MORC1: variants seen among roughly 807,000 people sequenced by gnomAD.
MORC1 encodes MORC family CW-type zinc finger 1, also known as MORC family CW-type zinc finger protein 1.
A neutral mutation model predicts 134.9 loss-of-function variants in MORC1; 59 were observed. The ratio of observed to expected loss-of-function variants is 0.44; its 90% CI spans 0.35 to 0.54. MORC1 has a LOEUF of 0.54. Ranked by LOEUF, MORC1 falls within the 20% of genes least tolerant of loss-of-function variation. The pLI is 0.00. For synonymous variants in MORC1, 395 were observed against 391.7 expected, an observed-to-expected ratio of 1.01 and a Z score of -0.10; for missense variants, 947 against 1,134.5, an observed-to-expected ratio of 0.83 and a Z score of 2.37.
At chr3:108,995,276 C>G (rs538451927) in intron 21 of MORC1, among the ~76,000 whole-genome samples, 5 of 152,290 alleles carry the variant, frequency 3.3e-5, no homozygotes, top group Middle Eastern at 3.4e-3. Flanking sequence ...ATCCTCCTGA[C>G]AAAGGCTAGC....
At position 109,026,122 on chromosome 3, in the gene MORC1, C is replaced by T. The variant is rs370212990; in HGVS notation, c.1704+1629G>A. 5.6e-4 allele frequency among the ~76,000 whole-genome samples: 85 copies of T among 152,192 alleles called. 1 individual carries two copies. Among genetic ancestry groups the T allele is most frequent in the South Asian group, 5.4e-3 (26 of 4,820 alleles). ...CACAACCCAAAGCTTTCCTTGGTTA[C>T]CACAAAAGCAGGGTCAGTTACAAGC... is the stretch of plus-strand genomic sequence containing the variant. On this transcript the variant is annotated intron_variant, in intron 17 of 27. Transcript: ENST00000232603.
chr3:108,963,608 T>A lies in MORC1; in HGVS notation c.2605A>T (p.Ile869Leu). Residue 869 changes from isoleucine to leucine, a missense_variant and splice_region_variant, in exon 27 of 28, where the codon ATA becomes TTA. Ile to Leu is a conservative substitution (Grantham distance 5, BLOSUM62 2). This residue lies in a region of MORC1 where 722 missense variants were observed against 817.0 expected (regional missense o/e 0.88). Transcript: ENST00000232603. ...TATTGGACCATGTAAGTATTCTGTA[T>A]CTGGGAATGTTTTAAAAACAGTTTT... ...NKKLKMCFNQ[I>L]QNTYMVQYEK... is the part of the protein sequence containing the mutation. 2 of 1,528,204 alleles carry A rather than the reference T, an allele frequency of 1.3e-6. No homozygotes were observed. Among genetic ancestry groups the A allele is most frequent in the Non-Finnish European group, 1.8e-6 (2 of 1,138,228 alleles). 94.7% of individuals were successfully genotyped at this position (1,528,204 alleles called of 1,614,324 possible).
At position 108,979,596 on chromosome 3, in the gene MORC1, C is replaced by G. The variant is rs1305462763; in HGVS notation, c.2396G>C (p.Ser799Thr). The G allele has an allele frequency of 6.2e-7, 1 of 1,614,168 alleles. No homozygotes were observed. Among genetic ancestry groups the G allele is most frequent in the Non-Finnish European group, 8.5e-7 (1 of 1,180,010 alleles). The change falls in exon 24 of 28, where the codon AGT (serine) becomes ACT (threonine). Residue 799 changes from serine to threonine, a missense_variant. Physicochemically the swap from Ser to Thr is moderately conservative, Grantham distance 58. Coordinates refer to ENST00000232603, the MANE Select transcript of MORC1 (RefSeq NM_014429.4). ...GHIARVSVSG[S>T]CKVASSPASS... The stretch of plus-strand genomic sequence containing the variant: ...CGCTGGCGAAGAAGCAACTTTACAA[C>G]TGCCACTCACAGAAACTCTGGCTAT...
chr3:108,965,309 T>C (rs1433663323), intron 26 of MORC1, among the ~76,000 whole-genome samples: 4 of 152,058 alleles, frequency 2.6e-5, no homozygotes, highest in Non-Finnish European at 4.4e-5. Context: ...GAAAAAACAA[T>C]AGTATTGCTA....
intron 24 of MORC1, 31 bp downstream of exon 24, chr3:108,979,484 C>T (rs890937495): frequency 3.7e-6 from 6 of 1,607,260 alleles, no homozygotes; most frequent in African/African-American, 2.7e-5. Flanking sequence ...TTAAACAAAG[C>T]ATGTGGAAAT....
At chr3:109,027,938 A>T in intron 16 of MORC1, 49 bp from the exon 17 acceptor site, 1 of 1,578,696 alleles carries the variant, frequency 6.3e-7, no homozygotes, top group Non-Finnish European at 8.6e-7. Context: ...ATATAAAACT[A>T]CTTACTGTCT....
At chr3:109,059,431 A>C (rs1405461051) in intron 12 of MORC1, among the ~76,000 whole-genome samples, 3 of 152,208 alleles carry the variant, frequency 2.0e-5, no homozygotes, top group Non-Finnish European at 2.9e-5. Flanking sequence ...AACTGGAACC[A>C]ACTCTCCAGA....
chr3:109,039,825 T>C (rs1015100086), intron 14 of MORC1, among the ~76,000 whole-genome samples: 1 of 152,178 alleles, frequency 6.6e-6, no homozygotes, highest in Non-Finnish European at 1.5e-5. Flanking sequence ...CTCTCCCTCA[T>C]GGTTGCAAGC....
At chr3:109,039,822 T>G (rs1295515322) in intron 14 of MORC1, among the ~76,000 whole-genome samples, 1 of 152,126 alleles carries the variant, frequency 6.6e-6, no homozygotes, top group Admixed American at 6.5e-5. Flanking sequence ...TGCCTCTCCC[T>G]CATGGTTGCA....
At chr3:109,052,498 T>C (rs1298515348) in intron 14 of MORC1, among the ~76,000 whole-genome samples, 4 of 152,194 alleles carry the variant, frequency 2.6e-5, no homozygotes, top group Non-Finnish European at 5.9e-5. Context: ...ACTCTGAGTA[T>C]GTTTTAGACC....
chr3:109,116,865 T>C (rs931132408), intron 1 of MORC1, among the ~76,000 whole-genome samples: 3 of 152,176 alleles, frequency 2.0e-5, no homozygotes, highest in African/African-American at 7.2e-5. Context: ...TCACTGTCAC[T>C]TGTTAAGTTA....
chr3:109,095,150 T>G (rs1950805826), intron 6 of MORC1, 82 bp from the exon 7 acceptor site: 5 of 1,299,664 alleles, frequency 3.8e-6, no homozygotes, highest in Non-Finnish European at 5.3e-6. Context: ...CATTCCACTC[T>G]TCATCTAGAC....
At chr3:109,108,876 G>A (rs541170945) in intron 3 of MORC1, among the ~76,000 whole-genome samples, 2 of 150,200 alleles carry the variant, frequency 1.3e-5, no homozygotes, top group South Asian at 2.2e-4. Context: ...CTCCAGCCTG[G>A]GCGACAGAGC....
chr3:109,011,906 G>C (rs555083230), intron 17 of MORC1, among the ~76,000 whole-genome samples: 1 of 152,298 alleles, frequency 6.6e-6, no homozygotes, highest in Non-Finnish European at 1.5e-5. Context: ...TCTGTAGCTT[G>C]ACTTTTCAAT....
In MORC1 at chr3:109,027,741, C is replaced by T; in HGVS notation, c.1704+10G>A. 2 of 1,613,602 alleles carry T rather than the reference C, an allele frequency of 1.2e-6. No individual in the cohort carries two copies. Among genetic ancestry groups the T allele is most frequent in the Non-Finnish European group, 8.5e-7 (1 of 1,179,716 alleles). On this transcript the variant is annotated intron_variant, in intron 17 of 27. Coordinates refer to ENST00000232603, the MANE Select transcript of MORC1 (RefSeq NM_014429.4). The stretch of plus-strand genomic sequence containing the variant: ...ACAGTAGAATTAGGGAGGAATTAAT[C>T]ACAACTCACCTGTGGCTGCTGTTCT...
intron 17 of MORC1, among the ~76,000 whole-genome samples, chr3:109,012,464 C>T (rs1478407025): frequency 2.0e-5 from 3 of 152,212 alleles, no homozygotes; most frequent in African/African-American, 2.4e-5. Flanking sequence ...TTTTTAGTAT[C>T]TATCAAAATA....
At chr3:108,990,572 T>C (rs1270734097) in intron 21 of MORC1, among the ~76,000 whole-genome samples, 1 of 152,200 alleles carries the variant, frequency 6.6e-6, no homozygotes, top group Non-Finnish European at 1.5e-5. Flanking sequence ...TCCTATTCCC[T>C]TCCCATGCTT....
At chr3:109,052,701 G>A (rs1234301154) in intron 14 of MORC1, among the ~76,000 whole-genome samples, 2 of 151,958 alleles carry the variant, frequency 1.3e-5, no homozygotes, top group African/African-American at 4.8e-5. Context: ...TTGACTCAAG[G>A]GTAGAGACAT....
chr3:109,026,192 C>CA (rs1230322149), intron 17 of MORC1, among the ~76,000 whole-genome samples: 1 of 152,084 alleles, frequency 6.6e-6, no homozygotes, highest in Admixed American at 6.5e-5. Flanking sequence ...AATCTTTTCA[C>CA]AAAAAGATTT....
Sources: gnomAD v4.1 joint callset for allele counts (sites outside exome capture counted in the v4.1 genomes callset) on GRCh38, gnomAD v4.1.1 for gene constraint, gnomAD v4.1.1 regional missense constraint, MANE v1.5 for transcripts, NCBI Gene and HGNC (gene_info 2026-07-23, HGNC 2026-07-21) for gene names.